Variants in SIAH3 observed in about 807,000 individuals in gnomAD.
The protein encoded by SIAH3 is siah E3 ubiquitin protein ligase family member 3.
SIAH3 carries 9 observed loss-of-function variants against 12.6 expected under a neutral mutation model. The ratio of observed to expected loss-of-function variants is 0.72; its 90% confidence interval spans 0.43 to 1.25. The LOEUF (loss-of-function observed/expected upper bound fraction) is 1.25. Ranked by LOEUF, SIAH3 falls within the 50% of genes most tolerant of loss-of-function variation. The probability of loss-of-function intolerance (pLI) is 0.00; values close to 1 mark genes in which losing one functional copy is unlikely to be tolerated. For synonymous variants in SIAH3, 154 were observed against 151.1 expected (o/e 1.02, Z -0.14); for missense variants, 390 against 365.4 (o/e 1.07, Z -0.55).
intron 1 of SIAH3, among the ~76,000 whole-genome samples, chr13:45,792,097 C>T (rs868273733): frequency 1.3e-5 from 2 of 152,202 alleles, no homozygotes; most frequent in Non-Finnish European, 2.9e-5. Context: ...AATTCCCTAC[C>T]CAGTGTCTCT....
intron 1 of SIAH3, among the ~76,000 whole-genome samples, chr13:45,799,334 G>A (rs562685512): frequency 3.3e-5 from 5 of 152,248 alleles, no homozygotes; most frequent in Admixed American, 2.0e-4. Flanking sequence ...GAATAAGAAC[G>A]ATGATATCTG....
At chr13:45,829,683 C>T (rs1275407508) in intron 1 of SIAH3, among the ~76,000 whole-genome samples, 1 of 152,142 alleles carries the variant, frequency 6.6e-6, no homozygotes, top group Non-Finnish European at 1.5e-5. Context: ...CGCTCCCGCC[C>T]CCAGAGATAA....
At chr13:45,817,356 T>C (rs1249718533) in intron 1 of SIAH3, among the ~76,000 whole-genome samples, 1 of 152,246 alleles carries the variant, frequency 6.6e-6, no homozygotes, top group African/African-American at 2.4e-5. Context: ...TGGAGGAGGC[T>C]AGATTATCTA....
rs973845215 is a variant in SIAH3, at chr13:45,839,651, T to G, written c.135+11844A>C. Among the ~76,000 whole-genome samples, 3 of 151,632 alleles carry G rather than the reference T, an allele frequency of 2.0e-5. No individual in the cohort carries two copies. In the South Asian group the frequency reaches 6.3e-4, roughly 32 times the overall value. ...ATCAAGACCATCCTGGCTAACACGGTGAAACCCCATCTCTACTAAAAATAC... is the reference window on the plus strand; with the variant it reads ...ATCAAGACCATCCTGGCTAACACGGGGAAACCCCATCTCTACTAAAAATAC... On this transcript the variant is annotated intron_variant, in intron 1 of 1. Coordinates refer to ENST00000400405, the MANE Select transcript of SIAH3 (RefSeq NM_198849.3).
chr13:45,789,891 A>G (rs1950540597), intron 1 of SIAH3, among the ~76,000 whole-genome samples: 1 of 152,110 alleles, frequency 6.6e-6, no homozygotes, highest in South Asian at 2.1e-4. Context: ...CACTTCCACA[A>G]ATGTTTTGGT....
chr13:45,789,364 C>G (rs3992015), intron 1 of SIAH3, among the ~76,000 whole-genome samples: 16 of 9,332 alleles, frequency 1.7e-3, no homozygotes, highest in South Asian at 5.2e-3. Flanking sequence ...TATCATCTAT[C>G]TATCTATCTA....
intron 1 of SIAH3, among the ~76,000 whole-genome samples, chr13:45,826,912 CTG>C (rs1343879806): frequency 1.3e-5 from 2 of 152,168 alleles, no homozygotes; most frequent in Non-Finnish European, 2.9e-5. Context: ...TCCCCTAGGA[CTG>C]TCTCTGGGCG....
rs1950501741 is a variant in SIAH3 at position 45,781,007 on chromosome 13, G to A, written c.*2376C>T. ...ATATGGATATGGAGAGGCCTTTTGG[G>A]GAGCACCATAGATGGAAGATAATAA... On this transcript the variant is annotated 3_prime_UTR_variant, in exon 2 of 2. Coordinates refer to ENST00000400405, the MANE Select transcript of SIAH3 (RefSeq NM_198849.3). The A allele has an allele frequency of 6.6e-6, 1 of 152,424 alleles. No individual in the cohort carries two copies. The highest frequency in any genetic ancestry group is 2.4e-5 in the African/African-American group (1 of 41,428). 9.4% of individuals were successfully genotyped at this position (152,424 alleles called of 1,614,324 possible). A position where few individuals can be genotyped will look rare whatever the true frequency, so the allele number is the denominator to read the frequency against.
intron 1 of SIAH3, among the ~76,000 whole-genome samples, chr13:45,810,638 T>A (rs562344947): frequency 6.6e-6 from 1 of 152,210 alleles, no homozygotes; most frequent in African/African-American, 2.4e-5. Flanking sequence ...ACAAAGACAT[T>A]GAGAAAAAAT....
chr13:45,849,741 C>G (rs949514791), intron 1 of SIAH3, among the ~76,000 whole-genome samples: 3 of 152,174 alleles, frequency 2.0e-5, no homozygotes, highest in Non-Finnish European at 4.4e-5. Context: ...CACACAGAGA[C>G]CTTAACACCT....
intron 1 of SIAH3, among the ~76,000 whole-genome samples, chr13:45,816,396 T>C (rs991013168): frequency 6.6e-6 from 1 of 152,188 alleles, no homozygotes; most frequent in Non-Finnish European, 1.5e-5. Flanking sequence ...AACACAGCAA[T>C]ATCCCAGCCA....
At chr13:45,812,729 T>G (rs1183395936) in intron 1 of SIAH3, among the ~76,000 whole-genome samples, 2 of 152,096 alleles carry the variant, frequency 1.3e-5, no homozygotes, top group East Asian at 3.9e-4. Flanking sequence ...TAAGGAAGCT[T>G]TCACTGAGTG....
In SIAH3 at chr13:45,783,442, G is replaced by A; in HGVS notation, c.751C>T (p.Leu251Phe). ...GCGGTGATGGCAATCCCAATGGCAA[G>A]GCTGCCGTTGTCAGAGAAGAGCTGT... ...LAQLFSDNGS[L>F]AIGIAITATE... The change falls in exon 2 of 2, where the codon CTT (leucine) becomes TTT (phenylalanine). Residue 251 changes from leucine (L) to phenylalanine (F), a missense_variant. Leu to Phe is a conservative substitution (Grantham distance 22). Transcript: ENST00000400405. The A allele has an allele frequency of 6.2e-7, 1 of 1,614,130 alleles. No homozygotes were observed.
At chr13:45,810,480 G>A (rs1950612738) in intron 1 of SIAH3, among the ~76,000 whole-genome samples, 1 of 152,168 alleles carries the variant, frequency 6.6e-6, no homozygotes, top group Non-Finnish European at 1.5e-5. Context: ...GCTTACATAT[G>A]GAGGTATTGA....
intron 1 of SIAH3, among the ~76,000 whole-genome samples, chr13:45,791,441 G>C (rs1950545360): frequency 6.6e-6 from 1 of 152,208 alleles, no homozygotes; most frequent in Non-Finnish European, 1.5e-5. Context: ...TGGAAAGGCT[G>C]TTTGTCTTCA....
At chr13:45,827,325 A>C (rs1227255133) in intron 1 of SIAH3, among the ~76,000 whole-genome samples, 1 of 152,238 alleles carries the variant, frequency 6.6e-6, no homozygotes, top group Non-Finnish European at 1.5e-5. Flanking sequence ...TGCAAAGGAA[A>C]GGGCAAGAGA....
chr13:45,826,389 A>G (rs370440755), intron 1 of SIAH3, among the ~76,000 whole-genome samples: 10,942 of 75,186 alleles, frequency 0.15, 5,383 homozygotes, highest in South Asian at 0.27. Context: ...GAATGGATGG[A>G]TGGATGGATG....
chr13:45,808,636 T>A (rs1341788837), intron 1 of SIAH3, among the ~76,000 whole-genome samples: 1 of 152,226 alleles, frequency 6.6e-6, no homozygotes, highest in East Asian at 1.9e-4. Flanking sequence ...TATTTTGTTA[T>A]TATTTGTAAA....
chr13:45,802,709 C>T (rs1017290682), intron 1 of SIAH3, among the ~76,000 whole-genome samples: 5 of 152,154 alleles, frequency 3.3e-5, no homozygotes, highest in Admixed American at 6.5e-5. Context: ...GATCTACATT[C>T]GGCAGGTTGC....
Sources: allele counts gnomAD v4.1 joint callset (sites outside exome capture counted in the v4.1 genomes callset), GRCh38; gene constraint gnomAD v4.1.1; transcripts MANE v1.5; gene names NCBI Gene and HGNC (gene_info 2026-07-23, HGNC 2026-07-21).